Variants in DPP6 observed in about 807,000 individuals in gnomAD.
The protein encoded by DPP6 is dipeptidyl peptidase like 6, also known as A-type potassium channel modulatory protein DPP6.
In DPP6, 69 loss-of-function variants were observed where a neutral mutation model predicts 122.6. That is an observed-to-expected ratio of 0.56 (90% CI 0.46 to 0.69). The LOEUF is 0.69. Among genes scored for constraint, DPP6 ranks in the 30% least tolerant of loss-of-function variants. DPP6 has a pLI of 0.00. For synonymous variants in DPP6, 418 were observed against 433.1 expected (o/e 0.97, Z 0.43); for missense variants, 928 against 1,116.9 (o/e 0.83, Z 2.41).
At chr7:153,791,978 C>T in the DPP6 span, among the ~76,000 whole-genome samples, 6 of 152,334 alleles carry the variant, frequency 3.9e-5, 1 homozygote, top group Admixed American at 3.9e-4. Flanking sequence ...TGCCCATGTG[C>T]TCTCCACAAA....
chr7:154,090,074 T>C (rs575960694), intron 1 of DPP6, among the ~76,000 whole-genome samples: 1 of 152,338 alleles, frequency 6.6e-6, no homozygotes, highest in Admixed American at 6.5e-5. Flanking sequence ...TGAGCAAGCC[T>C]TGGAAGCCTC....
At chr7:154,273,950 A>G (rs2150938449) in intron 1 of DPP6, among the ~76,000 whole-genome samples, 1 of 152,324 alleles carries the variant, frequency 6.6e-6, no homozygotes, top group Middle Eastern at 3.4e-3. Context: ...ACTGTATCAA[A>G]TGCGTGTCCC....
intron 17 of DPP6, among the ~76,000 whole-genome samples, chr7:154,862,671 C>A (rs1259777510): frequency 6.6e-6 from 1 of 152,220 alleles, no homozygotes; most frequent in African/African-American, 2.4e-5. Context: ...AGCCACTGCA[C>A]CCGCTCATCC....
At chr7:153,956,716 C>T (rs569864282) in intron 1 of DPP6, among the ~76,000 whole-genome samples, 7 of 152,310 alleles carry the variant, frequency 4.6e-5, no homozygotes, top group African/African-American at 7.2e-5. Context: ...ATTTCTGAAG[C>T]GGAACCCAGT....
chr7:154,760,749 A>C lies in DPP6; in HGVS notation c.884-8668A>C, dbSNP rs1247477560. Among the ~76,000 whole-genome samples, 1 of 152,146 alleles carries C rather than the reference A, an allele frequency of 6.6e-6. No homozygotes were observed. Among genetic ancestry groups the C allele is most frequent in the African/African-American group, 2.4e-5 (1 of 41,436 alleles). On this transcript the variant is annotated intron_variant, in intron 8 of 25. Transcript: ENST00000377770. This position sits in a 1 kb window ranked among gnomAD's most constrained non-coding sequence, Gnocchi z 4.5. ...TCTGGAAGCTCCCTCAGGTGCCCAC[A>C]ACACAAATGAAGAGGAAAGAGAGAA... is the stretch of plus-strand genomic sequence containing the variant.
In DPP6 at chr7:154,892,493, C is replaced by G; in HGVS notation, c.*13C>G. The G allele has an allele frequency of 6.3e-7, 1 of 1,589,880 alleles. No individual in the cohort carries two copies. Among genetic ancestry groups the G allele is most frequent in the Non-Finnish European group, 8.6e-7 (1 of 1,164,536 alleles). On this transcript the variant is annotated 3_prime_UTR_variant, in exon 26 of 26. Transcript: ENST00000377770. ...GGAGGAGGACTAAGCTCAGGTCGCTCTAAGCACAAACGTGGCTCTTTCTAC... is the reference window on the plus strand; with the variant it reads ...GGAGGAGGACTAAGCTCAGGTCGCTGTAAGCACAAACGTGGCTCTTTCTAC...
At chr7:154,527,627 A>G (rs759527794) in intron 3 of DPP6, among the ~76,000 whole-genome samples, 2 of 152,170 alleles carry the variant, frequency 1.3e-5, no homozygotes, top group Non-Finnish European at 2.9e-5. Context: ...TACTACATTC[A>G]TTGTGTATAC....
chr7:154,587,764 A>C (rs548857460), intron 5 of DPP6: 3 of 1,597,850 alleles, frequency 1.9e-6, no homozygotes, highest in East Asian at 4.5e-5. Context: ...TCTTCATTAC[A>C]TCACCATGTC....
chr7:154,788,954 C>T (rs1797506290), intron 10 of DPP6, among the ~76,000 whole-genome samples: 1 of 152,174 alleles, frequency 6.6e-6, no homozygotes, highest in Non-Finnish European at 1.5e-5. Context: ...TTGCAGCCCC[C>T]TCATCTCCCT....
chr7:154,884,305 CCTA>C (rs909736491), intron 21 of DPP6: 29 of 124,974 alleles, frequency 2.3e-4, no homozygotes, highest in African/African-American at 8.2e-4. Flanking sequence ...ATTACATACA[CCTA>C]CTCACACACA....
intron 1 of DPP6, among the ~76,000 whole-genome samples, chr7:154,054,549 C>T (rs181493134): frequency 4.9e-4 from 74 of 152,340 alleles, no homozygotes; most frequent in Non-Finnish European, 9.4e-4. Flanking sequence ...TTTTCTCCTG[C>T]ATCGTTTCCA....
the DPP6 span, among the ~76,000 whole-genome samples, chr7:153,823,819 ATAAT>A: frequency 1.3e-5 from 2 of 152,190 alleles, no homozygotes; most frequent in South Asian, 4.2e-4. Context: ...AGAGTGAGAA[ATAAT>A]TATGTCTGTT....
chr7:154,659,964 G>A (rs538657592), intron 6 of DPP6, among the ~76,000 whole-genome samples: 1 of 152,200 alleles, frequency 6.6e-6, no homozygotes, highest in African/African-American at 2.4e-5. Context: ...AAAATAAGAC[G>A]CAGAGAGTTG....
At chr7:153,991,358 C>T (rs866559848) in intron 1 of DPP6, among the ~76,000 whole-genome samples, 30 of 152,144 alleles carry the variant, frequency 2.0e-4, no homozygotes, top group Admixed American at 7.9e-4. Flanking sequence ...CTTCAAGTTT[C>T]TACTTACATT....
chr7:154,698,854 G>C (rs1270722129), intron 7 of DPP6, among the ~76,000 whole-genome samples: 1 of 152,228 alleles, frequency 6.6e-6, no homozygotes, highest in Non-Finnish European at 1.5e-5. Flanking sequence ...CTTCTGAGCT[G>C]GGTTCTGTGA....
At chr7:153,918,473 C>CTT (rs1563005676) in intron 1 of DPP6, among the ~76,000 whole-genome samples, 1 of 129,970 alleles carries the variant, frequency 7.7e-6, no homozygotes, top group East Asian at 2.2e-4. Flanking sequence ...CACACTCTCT[C>CTT]TCTCTCTCTC....
At chr7:153,814,418 ACT>A in the DPP6 span, among the ~76,000 whole-genome samples, 1 of 152,050 alleles carries the variant, frequency 6.6e-6, no homozygotes, top group African/African-American at 2.4e-5. Flanking sequence ...GAAGAAGTTG[ACT>A]CTCTGAATAC....
At chr7:154,655,038 G>A (rs1419300324) in intron 6 of DPP6, among the ~76,000 whole-genome samples, 2 of 152,160 alleles carry the variant, frequency 1.3e-5, no homozygotes, top group Admixed American at 6.5e-5. Context: ...TCTACCATGT[G>A]TCAGGTTCTC....
chr7:153,753,686 G>A, the DPP6 span, among the ~76,000 whole-genome samples: 2 of 152,194 alleles, frequency 1.3e-5, no homozygotes, highest in South Asian at 2.1e-4. Context: ...GAACCTCAAC[G>A]GATTCTTTGC....
Sources: gnomAD v4.1 joint callset for allele counts (sites outside exome capture counted in the v4.1 genomes callset) on GRCh38, gnomAD v4.1.1 for gene constraint, Gnocchi (gnomAD v3.1) non-coding constraint, MANE v1.5 for transcripts, NCBI Gene and HGNC (gene_info 2026-07-23, HGNC 2026-07-21) for gene names.